Variants in TRERF1 observed in about 807,000 individuals in gnomAD.
TRERF1 encodes the protein transcriptional-regulating factor 1.
A neutral mutation model predicts 122.9 loss-of-function variants in TRERF1; 27 were observed. The ratio of observed to expected loss-of-function variants is 0.22; its 90% CI spans 0.16 to 0.30. The LOEUF (loss-of-function observed/expected upper bound fraction) is 0.30. TRERF1 is among the 10% of genes least tolerant of loss of function. The pLI is 1.00. For missense variants in TRERF1, 1,248 were observed against 1,560.3 expected (o/e 0.80, Z 3.37); for synonymous variants, 636 against 641.7 (o/e 0.99, Z 0.13).
At chr6:42,441,382 ATT>A (rs1247756798) in intron 2 of TRERF1, among the ~76,000 whole-genome samples, 1 of 152,124 alleles carries the variant, frequency 6.6e-6, no homozygotes, top group Non-Finnish European at 1.5e-5. Flanking sequence ...TCTCTTTCCT[ATT>A]TTGACTAAGC....
chr6:42,265,938 T>C (rs980540827), intron 5 of TRERF1, 141 bp from the exon 6 acceptor site: 1 of 816,426 alleles, frequency 1.2e-6, no homozygotes, highest in Non-Finnish European at 2.0e-6. Flanking sequence ...CCCATTCATG[T>C]CCACTCACTC....
At chr6:42,348,377 C>T (rs1409161555) in intron 3 of TRERF1, among the ~76,000 whole-genome samples, 4 of 152,172 alleles carry the variant, frequency 2.6e-5, no homozygotes, top group Non-Finnish European at 5.9e-5. Context: ...CCTCAGCCTC[C>T]CAAGTAGCTG....
rs868169387 is a variant in TRERF1 at position 42,393,442 on chromosome 6, C to T, written c.-453-30363G>A. ...GCTTCTCAGAGAAGTGGTTGAAGGA[C>T]GATGAGAAGTAAGTAAAGGTCAGAA... On this transcript the variant is annotated intron_variant, in intron 2 of 17. Coordinates refer to ENST00000372922, the Ensembl canonical transcript of TRERF1. The surrounding 1 kb of genome is among the most constrained non-coding windows in gnomAD (Gnocchi z 4.1). 6.6e-6 allele frequency among the ~76,000 whole-genome samples: 1 copy of T among 152,104 alleles called. No individual in the cohort carries two copies. Among genetic ancestry groups the T allele is most frequent in the Non-Finnish European group, 1.5e-5 (1 of 68,042 alleles).
At chr6:42,338,684 C>A (rs260271) in intron 3 of TRERF1, among the ~76,000 whole-genome samples, 5,808 of 152,110 alleles carry the variant, frequency 0.038, 244 homozygotes, top group African/African-American at 0.11. Flanking sequence ...GGATTTATGA[C>A]GGCTCTCCCT....
At chr6:42,310,148 G>A (rs575209541) in intron 3 of TRERF1, among the ~76,000 whole-genome samples, 2 of 152,266 alleles carry the variant, frequency 1.3e-5, no homozygotes, top group East Asian at 3.9e-4. Flanking sequence ...CTGTCACCCA[G>A]GCTGGAGTGC....
At chr6:42,381,284 C>A (rs1159570917) in intron 2 of TRERF1, among the ~76,000 whole-genome samples, 1 of 151,606 alleles carries the variant, frequency 6.6e-6, no homozygotes, top group East Asian at 2.0e-4. Context: ...CACCTCAATG[C>A]ATCCCATAAG....
At chr6:42,329,219 C>A (rs1764810572) in intron 3 of TRERF1, among the ~76,000 whole-genome samples, 1 of 152,102 alleles carries the variant, frequency 6.6e-6, no homozygotes, top group African/African-American at 2.4e-5. Context: ...AACAGCCCCT[C>A]CTCTTGACAC....
chr6:42,415,990 C>T (rs1781778873), intron 2 of TRERF1, among the ~76,000 whole-genome samples: 1 of 151,978 alleles, frequency 6.6e-6, no homozygotes. Context: ...GTCTTTTATG[C>T]CCGTTGGTAG....
intron 2 of TRERF1, among the ~76,000 whole-genome samples, chr6:42,426,383 C>A (rs1451236736): frequency 6.6e-6 from 1 of 152,122 alleles, no homozygotes; most frequent in East Asian, 1.9e-4. Flanking sequence ...AAACACAGTA[C>A]CCCCACACAG....
exon 18 of TRERF1, chr6:42,227,988 C>T (rs1260349548): frequency 1.0e-5 from 2 of 192,170 alleles, no homozygotes; most frequent in African/African-American, 4.7e-5. Flanking sequence ...CTCACACACA[C>T]ACACTCACAG....
rs1380148673 is a variant in TRERF1, at chr6:42,270,882, C to G, written c.-258-1034G>C. On this transcript the variant is annotated intron_variant, in intron 4 of 17. Transcript: ENST00000372922. Reference sequence around the variant, plus strand: ...CCACCTCCTAGGTTCAAGCGATTCTCCTACCTCAGCCTCCTGAGTAGCTGG... The same window carrying G: ...CCACCTCCTAGGTTCAAGCGATTCTGCTACCTCAGCCTCCTGAGTAGCTGG... 6.0e-5 allele frequency among the ~76,000 whole-genome samples: 9 copies of G among 150,472 alleles called. No individual in the cohort carries two copies. The East Asian group carries it at 1.6e-3, about 27-fold the overall frequency.
intron 2 of TRERF1, among the ~76,000 whole-genome samples, chr6:42,414,562 T>C (rs1781568605): frequency 6.6e-6 from 1 of 152,232 alleles, no homozygotes; most frequent in Non-Finnish European, 1.5e-5. Context: ...CTTAATATAT[T>C]CCTTTTAACT....
rs1427728468 is a variant in TRERF1 at position 42,259,539 on chromosome 6, G to A, written c.2069C>T (p.Pro690Leu). ...GAGCAGGTGGTCCCCGAGGACGCGC[G>A]GGGAGCGCAGCTGGCTCTGGTACAG... The change falls in exon 9 of 18, where the codon CCG becomes CTG. Residue 690 changes from proline to leucine, a missense_variant. Transcript: ENST00000372922. The surrounding 1 kb of genome is among the most constrained non-coding windows in gnomAD (Gnocchi z 4.9). 1.9e-6 allele frequency: 3 copies of A among 1,613,478 alleles called. No homozygotes were observed. Among genetic ancestry groups the A allele is most frequent in the African/African-American group, 1.3e-5 (1 of 75,030 alleles).
At chr6:42,361,757 C>G (rs1206882662) in intron 3 of TRERF1, among the ~76,000 whole-genome samples, 1 of 152,184 alleles carries the variant, frequency 6.6e-6, no homozygotes, top group African/African-American at 2.4e-5. Flanking sequence ...CCATTCGCTC[C>G]GCAGATCCAC....
chr6:42,231,779 A>C (rs937880021), intron 17 of TRERF1, among the ~76,000 whole-genome samples: 1 of 152,236 alleles, frequency 6.6e-6, no homozygotes, highest in African/African-American at 2.4e-5. Context: ...AAAACAAAGT[A>C]AACCAAAAGG....
rs756882498 is a variant in TRERF1, at chr6:42,265,744, A to G, written c.1484+7T>C. The G allele has an allele frequency of 1.5e-5, 24 of 1,612,518 alleles. 1 individual carries two copies. In the South Asian group the frequency reaches 2.4e-4, roughly 16 times the overall value. ...CCAAAATACCAACAAGGTTCCACTC[A>G]TCCTACCTTGACTCAGGGGACCCTG... On this transcript the variant is annotated splice_region_variant and intron_variant, in intron 6 of 17. Coordinates refer to ENST00000372922, the Ensembl canonical transcript of TRERF1.
rs1223493883 is a variant in TRERF1, at chr6:42,275,516, G to A, written c.-258-5668C>T. On this transcript the variant is annotated intron_variant, in intron 4 of 17. Transcript: ENST00000372922. The surrounding 1 kb of genome is among the most constrained non-coding windows in gnomAD (Gnocchi z 4.1). Reference sequence around the variant, plus strand: ...CACTTCCGTGCCTGTCTGCACACTGGCTGCCCAGTCACTGTGATGTAGGGA... The same window carrying A: ...CACTTCCGTGCCTGTCTGCACACTGACTGCCCAGTCACTGTGATGTAGGGA... Among the ~76,000 whole-genome samples the A allele has an allele frequency of 2.6e-5, 4 of 152,234 alleles. No homozygotes were observed. Among genetic ancestry groups the A allele is most frequent in the African/African-American group, 9.6e-5 (4 of 41,456 alleles).
intron 15 of TRERF1, 126 bp from the exon 16 acceptor site, chr6:42,236,537 C>A (rs1772251994): frequency 3.6e-6 from 5 of 1,382,268 alleles, no homozygotes; most frequent in Non-Finnish European, 4.8e-6. Context: ...TTTCTTTCTG[C>A]ATAAGGAATG....
chr6:42,442,403 T>G (rs150629218), intron 2 of TRERF1, among the ~76,000 whole-genome samples: 2,166 of 152,230 alleles, frequency 0.014, 19 homozygotes, highest in African/African-American at 0.021. Context: ...GGGAGCAAGC[T>G]GTCCAGGGCC....
Sources: allele counts gnomAD v4.1 joint callset (sites outside exome capture counted in the v4.1 genomes callset), GRCh38; gene constraint gnomAD v4.1.1; non-coding constraint Gnocchi (gnomAD v3.1); transcripts MANE v1.5; gene names NCBI Gene and HGNC (gene_info 2026-07-23, HGNC 2026-07-21).